MAGI2: variants seen among roughly 807,000 people sequenced by gnomAD.
MAGI2 encodes the protein membrane-associated guanylate kinase, WW and PDZ domain-containing protein 2.
A neutral mutation model predicts 133.3 loss-of-function variants in MAGI2; 35 were observed. That is an observed-to-expected ratio of 0.26 (90% CI 0.20 to 0.35). The LOEUF (loss-of-function observed/expected upper bound fraction) is 0.35, where lower values mean the gene tolerates loss of function less well. Among genes scored for constraint, MAGI2 ranks in the 10% least tolerant of loss-of-function variants. The pLI is 1.00. For missense variants in MAGI2, 1,636 were observed against 1,863.4 expected (o/e 0.88, Z 2.25); for synonymous variants, 729 against 710.6 (o/e 1.03, Z -0.41).
chr7:79,410,392 C>T (rs908608704), intron 1 of MAGI2: 3 of 152,016 alleles, frequency 2.0e-5, no homozygotes, highest in Non-Finnish European at 4.4e-5. Flanking sequence ...CATTTATATC[C>T]ATCCAACAGT....
chr7:78,998,557 C>T (rs1806544864), intron 2 of MAGI2, among the ~76,000 whole-genome samples: 2 of 152,066 alleles, frequency 1.3e-5, no homozygotes, highest in Non-Finnish European at 2.9e-5. Flanking sequence ...ATAGATAAAG[C>T]CAAGGGTAGT....
At chr7:78,142,426 C>A (rs1359271494) in intron 16 of MAGI2, among the ~76,000 whole-genome samples, 1 of 152,032 alleles carries the variant, frequency 6.6e-6, no homozygotes, top group African/African-American at 2.4e-5. Flanking sequence ...CAAAACAATC[C>A]TTTTCTCTGT....
intron 1 of MAGI2, among the ~76,000 whole-genome samples, chr7:79,136,982 A>G (rs1286080138): frequency 1.3e-5 from 2 of 152,082 alleles, no homozygotes; most frequent in Non-Finnish European, 2.9e-5. Context: ...ATTTACATCA[A>G]ATACAGATTC....
At chr7:78,979,339 A>G (rs1437576752) in intron 2 of MAGI2, among the ~76,000 whole-genome samples, 1 of 151,014 alleles carries the variant, frequency 6.6e-6, no homozygotes. Flanking sequence ...TTTAAGAAAG[A>G]GGTCAAAAAA....
At chr7:78,115,831 G>A (rs1819813035) in intron 20 of MAGI2, among the ~76,000 whole-genome samples, 1 of 152,100 alleles carries the variant, frequency 6.6e-6, no homozygotes, top group South Asian at 2.1e-4. Flanking sequence ...ATCAAAAAAA[G>A]TCAACTGCTT....
At chr7:79,337,866 G>A (rs1052211243) in intron 1 of MAGI2, among the ~76,000 whole-genome samples, 1 of 152,044 alleles carries the variant, frequency 6.6e-6, no homozygotes, top group African/African-American at 2.4e-5. Context: ...TGTGGTGTGT[G>A]CCTACTAGTC....
intron 2 of MAGI2, among the ~76,000 whole-genome samples, chr7:78,711,610 T>TTCATTC (rs1554538623): frequency 6.6e-6 from 1 of 151,620 alleles, no homozygotes; most frequent in Non-Finnish European, 1.5e-5. Context: ...CGATGGAGTC[T>TTCATTC]TTAGGTCCCC....
At chr7:78,475,323 A>G (rs1210036187) in intron 6 of MAGI2, among the ~76,000 whole-genome samples, 1 of 152,020 alleles carries the variant, frequency 6.6e-6, no homozygotes, top group Non-Finnish European at 1.5e-5. Flanking sequence ...TATGCTGAAT[A>G]TGGAAAGCAA....
intron 1 of MAGI2, among the ~76,000 whole-genome samples, chr7:79,388,216 A>G (rs1326624560): frequency 2.0e-5 from 3 of 152,012 alleles, no homozygotes; most frequent in African/African-American, 7.2e-5. Flanking sequence ...AAGGCATGCT[A>G]AAACATGCCT....
chr7:78,923,512 G>A (rs1473546995), intron 2 of MAGI2, among the ~76,000 whole-genome samples: 10 of 152,026 alleles, frequency 6.6e-5, no homozygotes, highest in African/African-American at 1.4e-4. Flanking sequence ...GTAGATAAGC[G>A]GCGTTATTTC....
chr7:78,638,905 C>T (rs1359416965), intron 2 of MAGI2, among the ~76,000 whole-genome samples: 1 of 152,084 alleles, frequency 6.6e-6, no homozygotes, highest in Non-Finnish European at 1.5e-5. Flanking sequence ...GATAATGTTT[C>T]AAGATTACAT....
chr7:78,292,096 G>GAGA (rs1270258603), intron 9 of MAGI2, among the ~76,000 whole-genome samples: 6 of 152,302 alleles, frequency 3.9e-5, no homozygotes, highest in Non-Finnish European at 7.3e-5. Context: ...AATCAGGCAG[G>GAGA]AGAAAGAAAT....
At chr7:79,036,685 C>T (rs1187047766) in intron 1 of MAGI2, among the ~76,000 whole-genome samples, 4 of 151,738 alleles carry the variant, frequency 2.6e-5, no homozygotes, top group Non-Finnish European at 4.4e-5. Flanking sequence ...CGAGTATCCT[C>T]AATGCACAAA....
intron 2 of MAGI2, among the ~76,000 whole-genome samples, chr7:78,983,859 A>C (rs1805004862): frequency 6.6e-6 from 1 of 151,838 alleles, no homozygotes; most frequent in South Asian, 2.1e-4. Context: ...ACTCCAGGTA[A>C]TCTTATCTAT....
chr7:79,317,092 G>A (rs572862098), intron 1 of MAGI2, among the ~76,000 whole-genome samples: 8 of 139,788 alleles, frequency 5.7e-5, no homozygotes, highest in East Asian at 4.2e-4. Flanking sequence ...GCATGATCTC[G>A]GCTCACTGCA....
At chr7:78,195,825 C>T (rs1291679652) in intron 11 of MAGI2, among the ~76,000 whole-genome samples, 1 of 152,206 alleles carries the variant, frequency 6.6e-6, no homozygotes, top group African/African-American at 2.4e-5. Context: ...AAGGAGGAAG[C>T]CAGACTCCCT....
intron 6 of MAGI2, among the ~76,000 whole-genome samples, chr7:78,416,061 C>T (rs569951163): frequency 6.6e-6 from 1 of 152,188 alleles, no homozygotes; most frequent in Admixed American, 6.6e-5. Flanking sequence ...GCATGGATTT[C>T]GGCTGCCTGA....
rs34942828 is a variant in MAGI2, at chr7:78,955,711, T to TTCTTTTC, written c.418+51378_418+51379insGAAAAGA. ...TCCCTTTCTCTCTCCCTTTCTTTCT[T>TTCTTTTC]TTTCTTTCTTTCTCTTTCTTTCTTT... On this transcript the variant is annotated intron_variant, in intron 2 of 21. Coordinates refer to ENST00000354212, the MANE Select transcript of MAGI2 (RefSeq NM_012301.4). Among the ~76,000 whole-genome samples, 6 of 12,852 alleles carry TTCTTTTC rather than the reference T, an allele frequency of 4.7e-4. 1 individual carries two copies. The South Asian group carries it at 5.7e-3, about 12-fold the overall frequency. 8.4% of individuals were successfully genotyped at this position (12,852 alleles called of 152,430 possible).
At position 78,979,883 on chromosome 7, in the gene MAGI2, T is replaced by C. The variant is rs142617691; in HGVS notation, c.418+27207A>G. 2.0e-5 allele frequency among the ~76,000 whole-genome samples: 3 copies of C among 152,084 alleles called. No homozygotes were observed. The East Asian group carries it at 5.8e-4, about 30-fold the overall frequency. On this transcript the variant is annotated intron_variant, in intron 2 of 21. Transcript: ENST00000354212. ...AATATCTTTGCAATCTTTCTGTAAA[T>C]CTAAGACAATTTCAAATTTTTAAAA...
Sources: gnomAD v4.1 joint callset for allele counts (sites outside exome capture counted in the v4.1 genomes callset) on GRCh38, gnomAD v4.1.1 for gene constraint, MANE v1.5 for transcripts, NCBI Gene and HGNC (gene_info 2026-07-23, HGNC 2026-07-21) for gene names.